Variants in NCKAP5 observed in about 807,000 individuals in gnomAD.
NCKAP5 encodes nck-associated protein 5.
NCKAP5 carries 92 observed loss-of-function variants against 167.0 expected under a neutral mutation model. That is an observed-to-expected ratio of 0.55 (90% CI 0.47 to 0.66). NCKAP5 has a LOEUF of 0.66. NCKAP5 is among the 30% of genes least tolerant of loss of function. The pLI is 0.00. For missense variants in NCKAP5, 2,378 were observed against 2,315.0 expected, an observed-to-expected ratio of 1.03 and a Z score of -0.56; for synonymous variants, 891 against 877.4, an observed-to-expected ratio of 1.02 and a Z score of -0.27.
intron 11 of NCKAP5, among the ~76,000 whole-genome samples, chr2:132,856,621 T>C (rs1049075820): frequency 2.0e-5 from 3 of 152,244 alleles, no homozygotes; most frequent in Middle Eastern, 3.4e-3. Flanking sequence ...GAGAATAATG[T>C]CCCATCAGGA....
intron 2 of NCKAP5, among the ~76,000 whole-genome samples, chr2:133,526,516 G>T (rs1684941539): frequency 6.6e-6 from 1 of 152,142 alleles, no homozygotes; most frequent in Non-Finnish European, 1.5e-5. Context: ...TGCCTTTATT[G>T]TCATTCCTGG....
intron 6 of NCKAP5, among the ~76,000 whole-genome samples, chr2:133,009,238 T>G (rs981580754): frequency 6.6e-6 from 1 of 152,220 alleles, no homozygotes; most frequent in Non-Finnish European, 1.5e-5. Context: ...AACTTATTCA[T>G]AGACTACCCT....
At chr2:132,983,463 T>C (rs556585274) in intron 7 of NCKAP5, among the ~76,000 whole-genome samples, 2 of 152,280 alleles carry the variant, frequency 1.3e-5, no homozygotes, top group East Asian at 3.9e-4. Context: ...TGGCTCTTAT[T>C]ATGTTGAGGT....
At chr2:133,453,109 G>T (rs1348036103) in intron 3 of NCKAP5, among the ~76,000 whole-genome samples, 1 of 152,100 alleles carries the variant, frequency 6.6e-6, no homozygotes, top group Non-Finnish European at 1.5e-5. Flanking sequence ...AATAGAACTT[G>T]AAGTGTTTTA....
At chr2:133,365,417 T>G (rs1685393985) in intron 3 of NCKAP5, among the ~76,000 whole-genome samples, 1 of 152,114 alleles carries the variant, frequency 6.6e-6, no homozygotes, top group Non-Finnish European at 1.5e-5. Context: ...TTCATTTCCT[T>G]GTATATGCCA....
rs921118371 is a variant in NCKAP5 at position 133,104,200 on chromosome 2, C to G, written c.341+25778G>C. ...CAAATAACAGAGAAATCAGCCAGCT[C>G]CAGCAGCACCCCAAGTTGGACACAG... On this transcript the variant is annotated intron_variant, in intron 6 of 19. Transcript: ENST00000409261. Among the ~76,000 whole-genome samples, 9 of 152,216 alleles carry G rather than the reference C, an allele frequency of 5.9e-5. No homozygotes were observed. The East Asian group carries it at 1.7e-3, about 29-fold the overall frequency.
intron 7 of NCKAP5, among the ~76,000 whole-genome samples, chr2:132,966,254 C>T (rs1461229875): frequency 6.6e-6 from 1 of 152,106 alleles, no homozygotes; most frequent in Non-Finnish European, 1.5e-5. Flanking sequence ...CACCTACCAC[C>T]ATGGCCAGCT....
chr2:133,180,700 A>G (rs1479465473), intron 5 of NCKAP5, among the ~76,000 whole-genome samples: 1 of 152,154 alleles, frequency 6.6e-6, no homozygotes, highest in East Asian at 1.9e-4. Context: ...CCAACTCAAA[A>G]CAGATTAAAG....
intron 11 of NCKAP5, among the ~76,000 whole-genome samples, chr2:132,836,666 T>C (rs1170303720): frequency 6.6e-6 from 1 of 152,106 alleles, no homozygotes; most frequent in Non-Finnish European, 1.5e-5. Context: ...CACTGCACCA[T>C]ATATATTGTC....
chr2:133,370,033 A>T (rs1288791258), intron 3 of NCKAP5, among the ~76,000 whole-genome samples: 1 of 152,210 alleles, frequency 6.6e-6, no homozygotes, highest in Non-Finnish European at 1.5e-5. Flanking sequence ...GTGACATCCA[A>T]ATCCACTTAA....
At chr2:133,121,817 G>T (rs1022271912) in intron 6 of NCKAP5, among the ~76,000 whole-genome samples, 1 of 152,090 alleles carries the variant, frequency 6.6e-6, no homozygotes, top group Non-Finnish European at 1.5e-5. Flanking sequence ...CACTCAAAAC[G>T]GGAGGGAATC....
At chr2:132,778,768 C>T (rs904791663) in intron 15 of NCKAP5, among the ~76,000 whole-genome samples, 1 of 152,214 alleles carries the variant, frequency 6.6e-6, no homozygotes, top group African/African-American at 2.4e-5. Flanking sequence ...GTATTCACAT[C>T]AATGTGCTGT....
rs558627124 is a variant in NCKAP5 at position 133,480,152 on chromosome 2, G to C, written c.69+37306C>G. On this transcript the variant is annotated intron_variant, in intron 3 of 19. Transcript: ENST00000409261. ...TCGCCGTGTTGGCCATACTGGTGTTGAACTCCTGACCTCTAGTGGTCCACC... is the reference window on the plus strand; with the variant it reads ...TCGCCGTGTTGGCCATACTGGTGTTCAACTCCTGACCTCTAGTGGTCCACC... Among the ~76,000 whole-genome samples the C allele has an allele frequency of 4.6e-5, 7 of 152,120 alleles. No homozygotes were observed. In the East Asian group the frequency reaches 1.4e-3, roughly 29 times the overall value.
intron 2 of NCKAP5, among the ~76,000 whole-genome samples, chr2:133,548,244 A>G (rs1271760838): frequency 6.6e-6 from 1 of 152,138 alleles, no homozygotes; most frequent in Non-Finnish European, 1.5e-5. Context: ...GACCAAATCT[A>G]CATCTGATTG....
chr2:133,538,951 T>A (rs60080941), intron 2 of NCKAP5, among the ~76,000 whole-genome samples: 55 of 137,684 alleles, frequency 4.0e-4, no homozygotes, highest in Non-Finnish European at 6.1e-4. Context: ...TTTTTTTTTT[T>A]TTTTTTTGAG....
chr2:132,838,342 G>A (rs1048151519), intron 11 of NCKAP5, among the ~76,000 whole-genome samples: 3 of 152,040 alleles, frequency 2.0e-5, no homozygotes, highest in Non-Finnish European at 2.9e-5. Context: ...AAAACTTAAT[G>A]AAATCGGGGC....
chr2:133,394,926 T>C (rs1687643964), intron 3 of NCKAP5, among the ~76,000 whole-genome samples: 2 of 152,232 alleles, frequency 1.3e-5, no homozygotes, highest in African/African-American at 4.8e-5. Context: ...TCACCTGGTC[T>C]CAAAATAATA....
chr2:133,523,212 C>T (rs1204986089), intron 2 of NCKAP5, among the ~76,000 whole-genome samples: 2 of 150,690 alleles, frequency 1.3e-5, no homozygotes, highest in South Asian at 2.1e-4. Flanking sequence ...TGATATACTT[C>T]GTTAACAGGC....
intron 4 of NCKAP5, among the ~76,000 whole-genome samples, chr2:133,216,805 G>A (rs2086447566): frequency 6.6e-6 from 1 of 152,080 alleles, no homozygotes; most frequent in African/African-American, 2.4e-5. Context: ...GGTAGATCTA[G>A]AAGAAGGAGA....
Sources: allele counts gnomAD v4.1 joint callset (sites outside exome capture counted in the v4.1 genomes callset), GRCh38; gene constraint gnomAD v4.1.1; transcripts MANE v1.5; gene names NCBI Gene and HGNC (gene_info 2026-07-23, HGNC 2026-07-21).